FGF13: variants seen among roughly 807,000 people sequenced by gnomAD.
FGF13 encodes fibroblast growth factor 13, also known as fibroblast growth factor homologous factor 2.
A neutral mutation model predicts 19.5 loss-of-function variants in FGF13; 2 were observed. The observed-to-expected ratio is 0.10, with a 90% CI of 0.04 to 0.32. The LOEUF is 0.32. FGF13 is among the 10% of genes least tolerant of loss of function. The probability of loss-of-function intolerance (pLI) is 1.00; values close to 1 mark genes in which losing one functional copy is unlikely to be tolerated. For missense variants in FGF13, 113 were observed against 192.7 expected (o/e 0.59, Z 2.45); for synonymous variants, 72 against 76.9 (o/e 0.94, Z 0.33).
intron 1 of FGF13, among the ~76,000 whole-genome samples, chrX:138,913,644 GGAAGGAAGGA>G (rs2091601333): frequency 5.7e-4 from 7 of 12,241 alleles, no homozygotes; most frequent in Non-Finnish European, 4.9e-4. Context: ...GATGGAGGAA[GGAAGGAAGGA>G]AGGAAGGAAG....
intron 3 of FGF13, among the ~76,000 whole-genome samples, chrX:138,844,597 A>T (rs926371348): frequency 4.5e-5 from 5 of 112,064 alleles, no homozygotes; most frequent in African/African-American, 1.6e-4. Context: ...ATTAGCAACG[A>T]TTTACCGCAT....
At chrX:138,763,101 G>A (rs937346545) in intron 3 of FGF13, among the ~76,000 whole-genome samples, 1 of 110,487 alleles carries the variant, frequency 9.1e-6, no homozygotes, top group Non-Finnish European at 1.9e-5. Flanking sequence ...GGGAAAAAAT[G>A]TTTATGTTTA....
At chrX:138,859,285 G>C (rs914982593) in intron 2 of FGF13, among the ~76,000 whole-genome samples, 1 of 111,679 alleles carries the variant, frequency 9.0e-6, no homozygotes, top group African/African-American at 3.3e-5. Flanking sequence ...CACAGCTGAA[G>C]ACAAATTCTA....
Position 138,623,202 on chromosome X carries a change from T to C in FGF13, c.*9648A>G, listed in dbSNP as rs967620988. On this transcript the variant is annotated 3_prime_UTR_variant, in exon 5 of 5. Transcript: ENST00000315930. ...CTTTAAATGTGATGTTAAGTTCTTT[T>C]AGCTAGTATTTTGTTGTGGATTTTT... The C allele has an allele frequency of 9.0e-6, 1 of 111,622 alleles. No homozygotes were observed. The highest frequency in any genetic ancestry group is 3.7e-4 in the South Asian group (1 of 2,690). The allele number at this position is 111,622 out of a possible 1,213,427, so 9.2% of individuals were successfully genotyped here. A position where few individuals can be genotyped will look rare whatever the true frequency, so the allele number is the denominator to read the frequency against.
chrX:138,945,323 T>G (rs1026062211), intron 1 of FGF13, among the ~76,000 whole-genome samples: 1 of 111,540 alleles, frequency 9.0e-6, no homozygotes. Context: ...ATCATTAAGA[T>G]GATTTATCTT....
rs979293408 is a variant in FGF13, at chrX:139,083,216, C to G, written c.-113+120200G>C. On this transcript the variant is annotated intron_variant, in intron 1 of 2. Coordinates refer to the FGF13 transcript ENST00000421460. ...TCCTCCTATTTCATTTTATTTTTCT[C>G]CCGTCTCATATTCATAACATCTCTG... is the stretch of plus-strand genomic sequence containing the variant. Among the ~76,000 whole-genome samples, 3 of 111,008 alleles carry G rather than the reference C, an allele frequency of 2.7e-5. No homozygotes were observed. In the East Asian group the frequency reaches 8.5e-4, roughly 31 times the overall value.
rs184979730 is a variant in FGF13, at chrX:139,174,940, G to T, written c.-113+28476C>A. Reference sequence around the variant, plus strand: ...TTTTCTAATTCTGTGAAGAAAGTCAGTGGTAGCTTGATAGGGATAGCATTG... The same window carrying T: ...TTTTCTAATTCTGTGAAGAAAGTCATTGGTAGCTTGATAGGGATAGCATTG... On this transcript the variant is annotated intron_variant, in intron 1 of 2. Transcript: ENST00000421460. Among the ~76,000 whole-genome samples the T allele has an allele frequency of 9.7e-3, 1,079 of 111,777 alleles. 12 individuals are homozygous for T. Among genetic ancestry groups the T allele is most frequent in the African/African-American group, 0.033 (1,011 of 30,775 alleles).
rs900897119 is a variant in FGF13 at position 138,616,557 on chromosome X, A to G, written c.*16293T>C. On this transcript the variant is annotated 3_prime_UTR_variant, in exon 5 of 5. Coordinates refer to ENST00000315930, the MANE Select transcript of FGF13 (RefSeq NM_004114.5). Reference sequence around the variant, plus strand: ...CTTTTCCAGGTGCATGGTGCAAGCTATTGGTGGATCTACCATTCTGGGGTC... The same window carrying G: ...CTTTTCCAGGTGCATGGTGCAAGCTGTTGGTGGATCTACCATTCTGGGGTC... 5 of 111,986 alleles carry G rather than the reference A, an allele frequency of 4.5e-5. No homozygotes were observed. The East Asian group carries it at 8.6e-4, about 19-fold the overall frequency. The allele number at this position is 111,986 out of a possible 1,213,427, so 9.2% of individuals were successfully genotyped here. A position where few individuals can be genotyped will look rare whatever the true frequency, so the allele number is the denominator to read the frequency against.
intron 3 of FGF13, among the ~76,000 whole-genome samples, chrX:138,786,152 C>G (rs891337421): frequency 8.9e-6 from 1 of 111,915 alleles, no homozygotes; most frequent in African/African-American, 3.2e-5. Context: ...CACTCAGAAC[C>G]AGAGTAATCT....
intron 1 of FGF13, among the ~76,000 whole-genome samples, chrX:139,112,403 C>G (rs1264701535): frequency 8.9e-6 from 1 of 111,917 alleles, no homozygotes; most frequent in Admixed American, 9.5e-5. Flanking sequence ...CATTCATATA[C>G]TATACAATTG....
intron 1 of FGF13, among the ~76,000 whole-genome samples, chrX:138,718,378 A>T (rs2090124395): frequency 9.0e-6 from 1 of 111,629 alleles, no homozygotes; most frequent in Non-Finnish European, 1.9e-5. Flanking sequence ...AGACAACCTA[A>T]TTTTTCTGGA....
intron 1 of FGF13, among the ~76,000 whole-genome samples, chrX:139,184,628 C>T: frequency 9.0e-6 from 1 of 110,936 alleles, no homozygotes; most frequent in Middle Eastern, 4.7e-3. Context: ...TTGTATGTCC[C>T]TACACACACA....
intron 1 of FGF13, among the ~76,000 whole-genome samples, chrX:138,960,389 C>T (rs1036777416): frequency 5.4e-5 from 6 of 112,070 alleles, no homozygotes; most frequent in East Asian, 2.8e-4. Context: ...CTGAGAGACC[C>T]GCTGTTAGTC....
intron 3 of FGF13, chrX:138,667,861 T>C (rs2089569130): frequency 7.5e-6 from 2 of 268,203 alleles, no homozygotes; most frequent in Admixed American, 4.1e-5. Context: ...GGATGGCTCG[T>C]TGAGTTACCT....
intron 3 of FGF13, among the ~76,000 whole-genome samples, chrX:138,694,452 T>A (rs1482052438): frequency 1.1e-5 from 1 of 87,375 alleles, no homozygotes; most frequent in African/African-American, 4.2e-5. Context: ...TTTTCTTTTC[T>A]TTTTTTTTTT....
At chrX:138,940,375 T>C (rs921522355) in intron 1 of FGF13, among the ~76,000 whole-genome samples, 1 of 112,115 alleles carries the variant, frequency 8.9e-6, no homozygotes, top group Non-Finnish European at 1.9e-5. Context: ...TCCCACTCTG[T>C]TGATTGTCTG....
chrX:138,626,353 A>G lies in FGF13; in HGVS notation c.*6497T>C. The G allele has an allele frequency of 8.9e-6, 1 of 111,792 alleles. No homozygotes were observed. Among genetic ancestry groups the G allele is most frequent in the Non-Finnish European group, 1.9e-5 (1 of 53,134 alleles). The allele number at this position is 111,792 out of a possible 1,213,427, so 9.2% of individuals were successfully genotyped here. A position where few individuals can be genotyped will look rare whatever the true frequency, so the allele number is the denominator to read the frequency against. ...GAAGCTCTATGCCTTCACTTATACT[A>G]TTCTGTTCTGTTTTGTTTTATGTGA... On this transcript the variant is annotated 3_prime_UTR_variant, in exon 5 of 5. Transcript: ENST00000315930.
At chrX:139,078,317 C>G (rs1453711260) in intron 1 of FGF13, among the ~76,000 whole-genome samples, 3 of 110,474 alleles carry the variant, frequency 2.7e-5, no homozygotes, top group Non-Finnish European at 5.7e-5. Context: ...GCGGCTTGCC[C>G]TAAACAATCT....
rs762367433 is a variant in FGF13 at position 138,617,364 on chromosome X, G to A, written c.*15486C>T. The A allele has an allele frequency of 8.9e-6, 1 of 111,855 alleles. No individual in the cohort carries two copies. The highest frequency in any genetic ancestry group is 1.9e-5 in the Non-Finnish European group (1 of 53,217). 9.2% of individuals were successfully genotyped at this position (111,855 alleles called of 1,213,427 possible). A position where few individuals can be genotyped will look rare whatever the true frequency, so the allele number is the denominator to read the frequency against. ...TATTTTATAGATAAGAGCATTAATT[G>A]ATGGATATATTTTCATAATGAAATG... On this transcript the variant is annotated 3_prime_UTR_variant, in exon 5 of 5. Transcript: ENST00000315930.
Sources: gnomAD v4.1 joint callset for allele counts (sites outside exome capture counted in the v4.1 genomes callset) on GRCh38, gnomAD v4.1.1 for gene constraint, MANE v1.5 for transcripts, NCBI Gene and HGNC (gene_info 2026-07-23, HGNC 2026-07-21) for gene names.